Variants in FAM174B observed in about 807,000 individuals in gnomAD.
The protein encoded by FAM174B is family with sequence similarity 174 member B.
FAM174B carries 12 observed loss-of-function variants against 10.9 expected under a neutral mutation model. The observed-to-expected ratio is 1.10, with a 90% CI of 0.71 to 1.79. FAM174B has a LOEUF of 1.79. FAM174B is among the 40% of genes most tolerant of loss of function. FAM174B has a pLI of 0.00. For synonymous variants in FAM174B, 132 were observed against 115.8 expected (o/e 1.14, Z -0.90); for missense variants, 266 against 233.3 (o/e 1.14, Z -0.91).
rs1453768779 is a variant in FAM174B, at chr15:92,618,459, C to G, written c.*997G>C. On this transcript the variant is annotated 3_prime_UTR_variant, in exon 3 of 3. Coordinates refer to ENST00000327355, the MANE Select transcript of FAM174B (RefSeq NM_207446.3). ...AGGGACCTCCTGGGTCCTGTGGGGT[C>G]TCCTGGGTCCAGGTGGGTTCCTAGT... The G allele has an allele frequency of 1.3e-5, 2 of 152,442 alleles. No individual in the cohort carries two copies. The highest frequency in any genetic ancestry group is 4.8e-5 in the African/African-American group (2 of 41,480). The allele number at this position is 152,442 out of a possible 1,614,324, so 9.4% of individuals were successfully genotyped here. A position where few individuals can be genotyped will look rare whatever the true frequency, so the allele number is the denominator to read the frequency against.
intron 1 of FAM174B, 51 bp from the exon 2 acceptor site, chr15:92,630,396 C>A (rs1596296386): frequency 1.3e-6 from 2 of 1,550,642 alleles, no homozygotes; most frequent in South Asian, 1.2e-5. Context: ...GAGAAAGAGT[C>A]ACTGGGCCCC....
At chr15:92,642,286 A>G (rs542450518) in intron 1 of FAM174B, among the ~76,000 whole-genome samples, 112 of 152,360 alleles carry the variant, frequency 7.4e-4, no homozygotes, top group African/African-American at 2.6e-3. Context: ...GAGTTATCAT[A>G]TGACCCAGCA....
intron 1 of FAM174B, among the ~76,000 whole-genome samples, chr15:92,641,443 A>G (rs1429500660): frequency 6.6e-6 from 1 of 152,258 alleles, no homozygotes; most frequent in East Asian, 1.9e-4. Context: ...TAAATAAATT[A>G]TGTTACATCC....
intron 1 of FAM174B, 54 bp downstream of exon 1, chr15:92,655,262 T>TGGCGATGCCGCCCTGTCGGCC: frequency 6.8e-7 from 1 of 1,468,736 alleles, no homozygotes. Context: ...GACAGCAGGT[T>TGGCGATGCCGCCCTGTCGGCC]GGCGATGCCG....
At chr15:92,641,877 C>A (rs1017424830) in intron 1 of FAM174B, among the ~76,000 whole-genome samples, 2 of 152,138 alleles carry the variant, frequency 1.3e-5, no homozygotes, top group African/African-American at 4.8e-5. Context: ...TGAAAAGACA[C>A]CCCCATAGAA....
intron 1 of FAM174B, among the ~76,000 whole-genome samples, chr15:92,636,826 C>T (rs945892583): frequency 4.6e-5 from 7 of 152,216 alleles, no homozygotes; most frequent in Non-Finnish European, 1.0e-4. Flanking sequence ...CCACGCCTCA[C>T]CGGAGTTCGC....
At chr15:92,652,006 A>G (rs2050969593) in intron 1 of FAM174B, among the ~76,000 whole-genome samples, 1 of 152,202 alleles carries the variant, frequency 6.6e-6, no homozygotes, top group African/African-American at 2.4e-5. Flanking sequence ...CTTTATCTAC[A>G]TTGTACAAAT....
In FAM174B at chr15:92,655,630, G is replaced by T. The variant is rs1209075164; in HGVS notation, c.30C>A (p.Leu10=). 4 of 1,259,988 alleles carry T rather than the reference G, an allele frequency of 3.2e-6. No individual in the cohort carries two copies. The highest frequency in any genetic ancestry group is 4.0e-6 in the Non-Finnish European group (4 of 1,007,408). The allele number at this position is 1,259,988 out of a possible 1,614,324, so 78.1% of individuals were successfully genotyped here. Residue 10 remains leucine, a synonymous_variant, in exon 1 of 3, where the codon CTC becomes CTA. Transcript: ENST00000327355. MRAVPLPAP[L]LPLLLLALLA... ...GGAGCGCGAGCAGCAGCAGCGGCAGGAGCGGGGCGGGCAGCGGCACGGCGC... is the reference window on the plus strand; with the variant it reads ...GGAGCGCGAGCAGCAGCAGCGGCAGTAGCGGGGCGGGCAGCGGCACGGCGC...
chr15:92,635,301 A>G (rs1350608073), intron 1 of FAM174B, among the ~76,000 whole-genome samples: 14 of 152,164 alleles, frequency 9.2e-5, no homozygotes. Flanking sequence ...AGCTGGAGAA[A>G]TTACATTTCA....
intron 1 of FAM174B, among the ~76,000 whole-genome samples, chr15:92,642,665 T>G (rs1409539285): frequency 6.6e-6 from 1 of 152,228 alleles, no homozygotes; most frequent in Non-Finnish European, 1.5e-5. Flanking sequence ...GCCATGATTA[T>G]AAGTTCCCTG....
At chr15:92,655,278 T>C (rs766412304) in intron 1 of FAM174B, 38 bp downstream of exon 1, 2 of 1,496,760 alleles carry the variant, frequency 1.3e-6, no homozygotes, top group Non-Finnish European at 1.8e-6. Context: ...TGCCGCCCTG[T>C]CGGCCGGCGG....
intron 2 of FAM174B, among the ~76,000 whole-genome samples, chr15:92,628,196 C>A (rs1303854473): frequency 6.6e-6 from 1 of 150,744 alleles, no homozygotes; most frequent in Non-Finnish European, 1.5e-5. Context: ...ATGGGGTCTT[C>A]CTCTGTTGCC....
rs780494916 is a variant in FAM174B at position 92,619,303 on chromosome 15, C to A, written c.*153G>T. 2.4e-6 allele frequency: 2 copies of A among 820,282 alleles called. No homozygotes were observed. Among genetic ancestry groups the A allele is most frequent in the Non-Finnish European group, 2.1e-6 (1 of 480,826 alleles). The allele number at this position is 820,282 out of a possible 1,614,324, so 50.8% of individuals were successfully genotyped here. A position where few individuals can be genotyped will look rare whatever the true frequency, so the allele number is the denominator to read the frequency against. On this transcript the variant is annotated 3_prime_UTR_variant, in exon 3 of 3. Coordinates refer to ENST00000327355, the MANE Select transcript of FAM174B (RefSeq NM_207446.3). The stretch of plus-strand genomic sequence containing the variant: ...TTGCCAGTGACAGTCTGAGCAGATG[C>A]CTGACACGCACGATGGAGCTGGGGT...
intron 2 of FAM174B, among the ~76,000 whole-genome samples, chr15:92,626,909 G>A (rs2050756756): frequency 1.3e-5 from 2 of 152,038 alleles, no homozygotes; most frequent in South Asian, 4.2e-4. Context: ...AAAATGAGCT[G>A]GGCATGGTGG....
rs1596291899 is a variant in FAM174B at position 92,618,868 on chromosome 15, A to G, written c.*588T>C. ...AAAAAAAAAAAAAGGAAGAAAGAAA[A>G]GGAGCCACAGACGTGTCCAGGTCTG... On this transcript the variant is annotated 3_prime_UTR_variant, in exon 3 of 3. Transcript: ENST00000327355. The G allele has an allele frequency of 4.4e-6, 1 of 229,682 alleles. No individual in the cohort carries two copies. Among genetic ancestry groups the G allele is most frequent in the Non-Finnish European group, 8.4e-6 (1 of 118,866 alleles). The allele number at this position is 229,682 out of a possible 1,614,324, so 14.2% of individuals were successfully genotyped here. A position where few individuals can be genotyped will look rare whatever the true frequency, so the allele number is the denominator to read the frequency against.
chr15:92,651,258 C>A (rs1418328951), intron 1 of FAM174B, among the ~76,000 whole-genome samples: 1 of 152,116 alleles, frequency 6.6e-6, no homozygotes, highest in Non-Finnish European at 1.5e-5. Context: ...ATGAGCACCC[C>A]CTAGGATCCA....
intron 1 of FAM174B, among the ~76,000 whole-genome samples, chr15:92,647,544 C>T (rs1234959134): frequency 1.3e-5 from 2 of 152,094 alleles, no homozygotes; most frequent in Non-Finnish European, 2.9e-5. Context: ...GTCAGACACG[C>T]CACATTATAC....
intron 2 of FAM174B, 42 bp from the exon 3 acceptor site, chr15:92,619,501 A>T: frequency 6.2e-7 from 1 of 1,605,594 alleles, no homozygotes; most frequent in Non-Finnish European, 8.5e-7. Flanking sequence ...CTTCTGGCAG[A>T]GCCTCGCACC....
rs772018240 is a variant in FAM174B at position 92,655,385 on chromosome 15, T to C, written c.275A>G (p.Lys92Arg). 1.3e-6 allele frequency: 2 copies of C among 1,592,722 alleles called. No individual in the cohort carries two copies. Among genetic ancestry groups the C allele is most frequent in the African/African-American group, 1.4e-5 (1 of 72,602 alleles). The change falls in exon 1 of 3, where the codon AAG becomes AGG. Residue 92 changes from lysine (K) to arginine (R), a missense_variant. By Grantham distance (26) the Lys-to-Arg change is conservative. Transcript: ENST00000327355. ...SILLRDLPTLKAAVIVAFAFT... is the reference protein window; with the variant it reads ...SILLRDLPTLRAAVIVAFAFT... ...GGCGAACGCCACGATCACGGCTGCC[T>C]TGAGGGTGGGTAGGTCGCGGAGGAG...
Sources: gnomAD v4.1 joint callset for allele counts (sites outside exome capture counted in the v4.1 genomes callset) on GRCh38, gnomAD v4.1.1 for gene constraint, MANE v1.5 for transcripts, NCBI Gene and HGNC (gene_info 2026-07-23, HGNC 2026-07-21) for gene names.